CDH13: variants seen among roughly 807,000 people sequenced by gnomAD.
CDH13 encodes the protein cadherin-13.
Under a neutral mutation model 63.8 loss-of-function variants are expected in CDH13, and 24 were observed. The ratio of observed to expected loss-of-function variants is 0.38; its 90% confidence interval spans 0.27 to 0.53. CDH13 has a LOEUF of 0.53. CDH13 is among the 20% of genes least tolerant of loss of function. The pLI is 0.85. For synonymous variants in CDH13, 503 were observed against 355.3 expected (o/e 1.42, Z -4.67); for missense variants, 1,049 against 903.1 (o/e 1.16, Z -2.07).
chr16:83,440,233 T>C (rs1318403680), intron 6 of CDH13, among the ~76,000 whole-genome samples: 3 of 152,188 alleles, frequency 2.0e-5, no homozygotes, highest in African/African-American at 7.2e-5. Context: ...GTAGACAGGC[T>C]TAGGACACGG....
rs535294057 is a variant in CDH13, at chr16:82,709,585, G to C, written c.45+82448G>C. On this transcript the variant is annotated intron_variant, in intron 1 of 13. Transcript: ENST00000567109. ...ACACTAATAGGTACCTTGCGAGGCT[G>C]TGGACAATAAATGAGATAATTCATG... Among the ~76,000 whole-genome samples, 7 of 152,330 alleles carry C rather than the reference G, an allele frequency of 4.6e-5. No homozygotes were observed. In the South Asian group the frequency reaches 1.2e-3, roughly 27 times the overall value.
In CDH13 at chr16:82,706,557, G is replaced by A. The variant is rs77245990; in HGVS notation, c.45+79420G>A. 4.8e-3 allele frequency among the ~76,000 whole-genome samples: 731 copies of A among 152,092 alleles called. 22 individuals are homozygous for A. In the East Asian group the frequency reaches 0.085, roughly 18 times the overall value. On this transcript the variant is annotated intron_variant, in intron 1 of 13. Coordinates refer to ENST00000567109, the MANE Select transcript of CDH13 (RefSeq NM_001257.5). The stretch of plus-strand genomic sequence containing the variant: ...GTAATGTTCAGAAATGCAGAGGTCA[G>A]CGGAGGTGGGTGGATCACCTGAGGG...
chr16:83,507,635 A>C (rs375181775), intron 7 of CDH13, among the ~76,000 whole-genome samples: 2 of 152,356 alleles, frequency 1.3e-5, no homozygotes, highest in South Asian at 2.1e-4. Flanking sequence ...TCCTGTGGGC[A>C]TAGCACCCTG....
chr16:83,129,567 C>T (rs551369753), intron 4 of CDH13, among the ~76,000 whole-genome samples: 13 of 152,258 alleles, frequency 8.5e-5, no homozygotes, highest in African/African-American at 2.6e-4. Context: ...ACACTGTCAG[C>T]GTTACACCAC....
At chr16:82,781,342 G>A (rs1296953361) in intron 1 of CDH13, among the ~76,000 whole-genome samples, 1 of 152,048 alleles carries the variant, frequency 6.6e-6, no homozygotes, top group African/African-American at 2.4e-5. Context: ...TCTGCTTGCT[G>A]GTGGTTCAGG....
chr16:83,223,894 G>A (rs900627190), intron 5 of CDH13, among the ~76,000 whole-genome samples: 1 of 152,126 alleles, frequency 6.6e-6, no homozygotes, highest in Non-Finnish European at 1.5e-5. Flanking sequence ...GCATGAGTAA[G>A]TTCTTTAGTG....
chr16:82,693,068 G>A (rs1915792169), intron 1 of CDH13, among the ~76,000 whole-genome samples: 1 of 152,118 alleles, frequency 6.6e-6, no homozygotes, highest in Non-Finnish European at 1.5e-5. Context: ...AGGAGCTGGG[G>A]GTGGCCTCCT....
intron 6 of CDH13, among the ~76,000 whole-genome samples, chr16:83,402,741 G>A (rs1282922591): frequency 6.6e-6 from 1 of 152,160 alleles, no homozygotes; most frequent in East Asian, 1.9e-4. Flanking sequence ...AAAGTCAAAA[G>A]TTACACCGAT....
intron 10 of CDH13, among the ~76,000 whole-genome samples, chr16:83,709,328 A>G (rs1204593513): frequency 6.6e-6 from 1 of 152,236 alleles, no homozygotes; most frequent in Non-Finnish European, 1.5e-5. Flanking sequence ...TGCATAGCAG[A>G]CACAGGAACC....
chr16:82,631,190 C>T (rs986111740), intron 1 of CDH13, among the ~76,000 whole-genome samples: 3 of 152,184 alleles, frequency 2.0e-5, no homozygotes, highest in African/African-American at 7.2e-5. Flanking sequence ...TCTGTATCCC[C>T]TCTGAGTATT....
At chr16:82,874,454 G>A (rs914394974) in intron 2 of CDH13, among the ~76,000 whole-genome samples, 4 of 151,888 alleles carry the variant, frequency 2.6e-5, no homozygotes, top group African/African-American at 4.8e-5. Flanking sequence ...GGCCACCCCC[G>A]AGAAGTGGCC....
intron 1 of CDH13, among the ~76,000 whole-genome samples, chr16:82,814,672 C>G (rs1462052): frequency 0.45 from 67,773 of 152,028 alleles, 16,228 homozygotes; most frequent in African/African-American, 0.63. Flanking sequence ...ATAATAAATG[C>G]GTAAATATAA....
intron 2 of CDH13, among the ~76,000 whole-genome samples, chr16:82,997,653 G>A (rs72792161): frequency 0.13 from 19,193 of 152,070 alleles, 1,577 homozygotes; most frequent in African/African-American, 0.23. Context: ...TGTTCTATAG[G>A]TGAAAATACT....
chr16:82,720,266 A>G (rs2032682835), intron 1 of CDH13, among the ~76,000 whole-genome samples: 1 of 152,246 alleles, frequency 6.6e-6, no homozygotes, highest in Non-Finnish European at 1.5e-5. Flanking sequence ...GAAAACAAAC[A>G]ATTCCAACTA....
At chr16:83,149,248 A>T (rs1350578727) in intron 4 of CDH13, among the ~76,000 whole-genome samples, 2 of 152,214 alleles carry the variant, frequency 1.3e-5, no homozygotes, top group African/African-American at 4.8e-5. Flanking sequence ...AGGTGGTGAG[A>T]CTTTCTCCCT....
intron 4 of CDH13, among the ~76,000 whole-genome samples, chr16:83,201,321 A>G (rs2151765980): frequency 6.6e-6 from 1 of 152,322 alleles, no homozygotes; most frequent in African/African-American, 2.4e-5. Context: ...AGATATAAAT[A>G]TGTCAGGAAG....
chr16:83,336,691 C>T (rs1446328711), intron 5 of CDH13, among the ~76,000 whole-genome samples: 1 of 152,106 alleles, frequency 6.6e-6, no homozygotes, highest in African/African-American at 2.4e-5. Flanking sequence ...GCATATTTTG[C>T]CCAAAGAAGA....
rs1217307473 is a variant in CDH13, at chr16:83,798,767, C to A, written c.*3737C>A. 6.6e-6 allele frequency: 1 copy of A among 152,176 alleles called. No homozygotes were observed. Among genetic ancestry groups the A allele is most frequent in the Non-Finnish European group, 1.5e-5 (1 of 68,042 alleles). 9.4% of individuals were successfully genotyped at this position (152,176 alleles called of 1,614,324 possible). A position where few individuals can be genotyped will look rare whatever the true frequency, so the allele number is the denominator to read the frequency against. On this transcript the variant is annotated 3_prime_UTR_variant, in exon 14 of 14. Transcript: ENST00000567109. Reference sequence around the variant, plus strand: ...TACTGTTAAGCAACAGTACCTTTTACTATGAGGTACCCTTTACTATTAAGT... The same window carrying A: ...TACTGTTAAGCAACAGTACCTTTTAATATGAGGTACCCTTTACTATTAAGT...
intron 3 of CDH13, among the ~76,000 whole-genome samples, chr16:83,123,342 C>T (rs532404546): frequency 2.2e-4 from 34 of 152,030 alleles, no homozygotes; most frequent in Non-Finnish European, 3.1e-4. Flanking sequence ...TGCAATGGCG[C>T]GATCTCGGCT....
Sources: allele counts gnomAD v4.1 joint callset (sites outside exome capture counted in the v4.1 genomes callset), GRCh38; gene constraint gnomAD v4.1.1; transcripts MANE v1.5; gene names NCBI Gene and HGNC (gene_info 2026-07-23, HGNC 2026-07-21).